HTR4: variants seen among roughly 807,000 people sequenced by gnomAD.
HTR4 encodes 5-hydroxytryptamine receptor 4.
In HTR4, 16 loss-of-function variants were observed where a neutral mutation model predicts 36.8. The observed-to-expected ratio is 0.43, with a 90% CI of 0.29 to 0.66. The LOEUF (loss-of-function observed/expected upper bound fraction) is 0.66, where lower values mean the gene tolerates loss of function less well. HTR4 is among the 30% of genes least tolerant of loss of function. The pLI is 0.13. For synonymous variants in HTR4, 189 were observed against 185.1 expected, an observed-to-expected ratio of 1.02 and a Z score of -0.17; for missense variants, 438 against 490.9, an observed-to-expected ratio of 0.89 and a Z score of 1.02.
At chr5:148,579,544 C>G (rs1581502683) in intron 2 of HTR4, among the ~76,000 whole-genome samples, 1 of 151,868 alleles carries the variant, frequency 6.6e-6, no homozygotes, top group Admixed American at 6.6e-5. Context: ...AATATAACAC[C>G]CATTCATTAT....
At chr5:148,603,950 C>T (rs147780069) in intron 2 of HTR4, among the ~76,000 whole-genome samples, 7 of 152,114 alleles carry the variant, frequency 4.6e-5, no homozygotes, top group African/African-American at 7.2e-5. Flanking sequence ...ATGAATGGCC[C>T]TAGGTCAATC....
intron 4 of HTR4, among the ~76,000 whole-genome samples, chr5:148,546,675 T>C (rs896443887): frequency 5.3e-5 from 8 of 152,352 alleles, no homozygotes; most frequent in African/African-American, 1.9e-4. Flanking sequence ...TTCTTACTCC[T>C]GCTTTTACAC....
At chr5:148,466,999 T>C (rs1755446185) in intron 5 of HTR4, among the ~76,000 whole-genome samples, 1 of 152,164 alleles carries the variant, frequency 6.6e-6, no homozygotes, top group Non-Finnish European at 1.5e-5. Context: ...AGAAAGAAAC[T>C]CAAACATTTT....
intron 6 of HTR4, among the ~76,000 whole-genome samples, chr5:148,496,063 G>A (rs1263483305): frequency 3.3e-5 from 5 of 152,160 alleles, no homozygotes; most frequent in African/African-American, 1.2e-4. Flanking sequence ...TCGCGCCACT[G>A]CACTCCAGCC....
intron 6 of HTR4, among the ~76,000 whole-genome samples, chr5:148,483,717 G>C (rs1308170025): frequency 6.6e-6 from 1 of 152,156 alleles, no homozygotes; most frequent in East Asian, 1.9e-4. Flanking sequence ...TATGGTACTA[G>C]GAAAGTGCAC....
intron 1 of HTR4, among the ~76,000 whole-genome samples, chr5:148,647,146 C>T (rs1354115005): frequency 6.6e-6 from 1 of 152,166 alleles, no homozygotes; most frequent in Non-Finnish European, 1.5e-5. Context: ...GTCTTATAGA[C>T]CTGCTACCAC....
In HTR4 at chr5:148,465,315, G is replaced by A. The variant is rs139098656; in HGVS notation, c.1077-14043C>T. Among the ~76,000 whole-genome samples, 555 of 152,242 alleles carry A rather than the reference G, an allele frequency of 3.6e-3. 2 individuals carry two copies. Among genetic ancestry groups the A allele is most frequent in the Non-Finnish European group, 5.9e-3 (399 of 68,026 alleles). On this transcript the variant is annotated intron_variant, in intron 5 of 5. Transcript: ENST00000521530. Reference sequence around the variant, plus strand: ...GGAAGAGGATATTGACAATGGGGGAGGCTGTGCCTGGGGTAAGGAGGCATA... The same window carrying A: ...GGAAGAGGATATTGACAATGGGGGAAGCTGTGCCTGGGGTAAGGAGGCATA...
Position 148,530,382 on chromosome 5 carries a change from G to A in HTR4, c.354-7036C>T, listed in dbSNP as rs142556550. ...ATGTGCATCCTAGGGAATTGGTGCCGTGTGTCCCAGCTACTCCAGGCATGG... is the reference window on the plus strand; with the variant it reads ...ATGTGCATCCTAGGGAATTGGTGCCATGTGTCCCAGCTACTCCAGGCATGG... On this transcript the variant is annotated intron_variant, in intron 4 of 6. Transcript: ENST00000377888. Among the ~76,000 whole-genome samples, 72 of 152,304 alleles carry A rather than the reference G, an allele frequency of 4.7e-4. 1 individual carries two copies. The East Asian group carries it at 7.1e-3, about 15-fold the overall frequency.
At chr5:148,623,289 G>T (rs1250134897) in intron 2 of HTR4, among the ~76,000 whole-genome samples, 1 of 152,114 alleles carries the variant, frequency 6.6e-6, no homozygotes, top group African/African-American at 2.4e-5. Context: ...ATGGGCCTTT[G>T]AACTTATCTT....
intron 2 of HTR4, among the ~76,000 whole-genome samples, chr5:148,621,079 A>G (rs752580125): frequency 6.6e-6 from 1 of 152,258 alleles, no homozygotes; most frequent in African/African-American, 2.4e-5. Context: ...TCATTGTCAC[A>G]GTGAAAATTA....
chr5:148,520,512 A>G (rs915898415), intron 5 of HTR4, among the ~76,000 whole-genome samples: 3 of 152,224 alleles, frequency 2.0e-5, no homozygotes, highest in South Asian at 4.1e-4. Flanking sequence ...TTAAGAGCAC[A>G]GACTCTGGAA....
intron 6 of HTR4, among the ~76,000 whole-genome samples, chr5:148,494,407 A>G (rs1262667580): frequency 1.3e-5 from 2 of 152,238 alleles, no homozygotes; most frequent in East Asian, 3.8e-4. Context: ...TAAAGGAAAT[A>G]ACAAGGGGCT....
intron 6 of HTR4, among the ~76,000 whole-genome samples, chr5:148,494,721 T>C (rs1756609774): frequency 6.6e-6 from 1 of 152,228 alleles, no homozygotes; most frequent in Admixed American, 6.5e-5. Context: ...AAACAAACTT[T>C]TTACAATCAT....
intron 1 of HTR4, among the ~76,000 whole-genome samples, chr5:148,652,455 T>C (rs149334381): frequency 6.6e-6 from 1 of 152,132 alleles, no homozygotes; most frequent in Non-Finnish European, 1.5e-5. Context: ...GTCTGTGAAG[T>C]TGGGGAAGGA....
intron 2 of HTR4, among the ~76,000 whole-genome samples, chr5:148,571,527 C>T (rs1167788286): frequency 6.6e-6 from 1 of 151,900 alleles, no homozygotes; most frequent in Non-Finnish European, 1.5e-5. Context: ...TTAGATTACT[C>T]GTGGATTTCA....
downstream of HTR4, among the ~76,000 whole-genome samples, chr5:148,474,714 A>G (rs944842158): frequency 1.3e-5 from 2 of 152,180 alleles, no homozygotes; most frequent in South Asian, 2.1e-4. Flanking sequence ...CTAGGCAGCC[A>G]GAAAATTAGA....
At position 148,509,854 on chromosome 5, in the gene HTR4, G is replaced by T. The variant is rs766468764; in HGVS notation, c.678C>A (p.Ile226=). 6.2e-7 allele frequency: 1 copy of T among 1,614,002 alleles called. No individual in the cohort carries two copies. Among genetic ancestry groups the T allele is most frequent in the South Asian group, 1.1e-5 (1 of 91,062 alleles). ...YVTAKEHAHQ[I]QMLQRAGASS... ...AGGCTCCTGCCCGTTGTAACATCTGGATCTGATGGGCATGCTCCTTAGCTG... is the reference window on the plus strand; with the variant it reads ...AGGCTCCTGCCCGTTGTAACATCTGTATCTGATGGGCATGCTCCTTAGCTG... Residue 226 remains isoleucine, a synonymous_variant, in exon 6 of 7, where the codon ATC becomes ATA. Coordinates refer to ENST00000377888, the MANE Select transcript of HTR4 (RefSeq NM_000870.7).
chr5:148,453,816 TG>T (rs1755032462), intron 5 of HTR4, among the ~76,000 whole-genome samples: 1 of 152,060 alleles, frequency 6.6e-6, no homozygotes, highest in Non-Finnish European at 1.5e-5. Context: ...TGTGAATATA[TG>T]GGATGGAGGT....
chr5:148,647,526 CA>C lies in HTR4; in HGVS notation c.-48+6535del, dbSNP rs144958584. Among the ~76,000 whole-genome samples the C allele has an allele frequency of 7.2e-3, 1,093 of 152,238 alleles. 13 individuals are homozygous for C. Among genetic ancestry groups the C allele is most frequent in the African/African-American group, 0.025 (1,038 of 41,548 alleles). ...TAGTGAGTCTTTCCCTCTCCCCTTACAGGGGAGACAAAGCTGCTTAGTGGTT... is the reference window on the plus strand; with the variant it reads ...TAGTGAGTCTTTCCCTCTCCCCTTACGGGGAGACAAAGCTGCTTAGTGGTT... On this transcript the variant is annotated intron_variant, in intron 1 of 6. Transcript: ENST00000377888.
Sources: allele counts gnomAD v4.1 joint callset (sites outside exome capture counted in the v4.1 genomes callset), GRCh38; gene constraint gnomAD v4.1.1; transcripts MANE v1.5; gene names NCBI Gene and HGNC (gene_info 2026-07-23, HGNC 2026-07-21).